The following ANXA8 variants were observed in gnomAD, a reference collection of about 807,000 sequenced individuals.
ANXA8 encodes VAC-beta.
In ANXA8, 9 loss-of-function variants were observed where a neutral mutation model predicts 26.8. The observed-to-expected ratio is 0.34, with a 90% CI of 0.20 to 0.59. ANXA8 has a LOEUF of 0.59. Among genes scored for constraint, ANXA8 ranks in the 20% least tolerant of loss-of-function variants. The probability of loss-of-function intolerance (pLI) is 0.84; values close to 1 mark genes in which losing one functional copy is unlikely to be tolerated. For missense variants in ANXA8, 83 were observed against 238.5 expected (o/e 0.35, Z 4.29); for synonymous variants, 39 against 94.8 (o/e 0.41, Z 3.42).
the ANXA8 span, among the ~76,000 whole-genome samples, chr10:47,720,927 G>A: frequency 1.4e-5 from 2 of 138,366 alleles, no homozygotes; most frequent in South Asian, 2.3e-4. Flanking sequence ...TGGGGGGATC[G>A]CTTGAGCCCA....
chr10:47,940,211 T>C, the ANXA8 span, among the ~76,000 whole-genome samples: 31 of 149,786 alleles, frequency 2.1e-4, 1 homozygote, highest in Non-Finnish European at 4.0e-4. Flanking sequence ...CTCCATCTTT[T>C]CACCTGGCTG....
the ANXA8 span, chr10:47,502,658 T>C: frequency 1.9e-6 from 3 of 1,608,234 alleles, no homozygotes; most frequent in African/African-American, 4.1e-5. Context: ...AAGTTCAAAC[T>C]GGCCCACTTA....
the ANXA8 span, among the ~76,000 whole-genome samples, chr10:47,514,222 C>T: frequency 5.4e-5 from 8 of 147,182 alleles, 1 homozygote; most frequent in South Asian, 2.1e-4. Context: ...AGTCAATGAG[C>T]GGATAAAGAA....
At chr10:47,683,444 G>A in the ANXA8 span, among the ~76,000 whole-genome samples, 1 of 151,774 alleles carries the variant, frequency 6.6e-6, no homozygotes, top group African/African-American at 2.4e-5. Flanking sequence ...TAGCCAGGAT[G>A]GCCTCGATCT....
chr10:47,661,026 A>C, the ANXA8 span, among the ~76,000 whole-genome samples: 2 of 150,222 alleles, frequency 1.3e-5, no homozygotes, highest in Non-Finnish European at 2.9e-5. Flanking sequence ...CCATTTTAAA[A>C]TTCACTTCCT....
At chr10:47,744,422 T>TGGGGGGGGG in the ANXA8 span, among the ~76,000 whole-genome samples, 1 of 11,732 alleles carries the variant, frequency 8.5e-5, no homozygotes, top group Non-Finnish European at 1.5e-4. Context: ...GGGGGGGGGG[T>TGGGGGGGGG]TGGGGGGGAG....
the ANXA8 span, chr10:47,991,665 C>A: frequency 6.2e-7 from 1 of 1,611,186 alleles, no homozygotes; most frequent in Non-Finnish European, 8.5e-7. Context: ...AAATCTCCTG[C>A]CAGCTCCCAC....
At chr10:47,684,069 G>A in the ANXA8 span, among the ~76,000 whole-genome samples, 37 of 151,770 alleles carry the variant, frequency 2.4e-4, no homozygotes, top group East Asian at 1.7e-3. Context: ...TGGTTTTTCC[G>A]ACTGAAGCGG....
the ANXA8 span, among the ~76,000 whole-genome samples, chr10:47,733,277 TTC>T: frequency 4.4e-5 from 5 of 114,250 alleles, no homozygotes; most frequent in African/African-American, 1.9e-4. Flanking sequence ...CTTTCTTTCT[TTC>T]TTTCTTTCTT....
At chr10:47,486,971 TCAAAAC>T (rs1184672386), upstream of ANXA8, among the ~76,000 whole-genome samples, 12 of 130,726 alleles carry the variant, frequency 9.2e-5, no homozygotes, top group Non-Finnish European at 2.0e-4. Flanking sequence ...AGACTCTATC[TCAAAAC>T]AAAAACAAAA....
the ANXA8 span, among the ~76,000 whole-genome samples, chr10:47,521,979 G>A: frequency 2.8e-3 from 419 of 150,838 alleles, 8 homozygotes; most frequent in African/African-American, 8.7e-3. Flanking sequence ...TAGAGACAGC[G>A]TTTCACCATG....
chr10:47,888,990 G>A, the ANXA8 span, among the ~76,000 whole-genome samples: 2,749 of 98,270 alleles, frequency 0.028, 230 homozygotes, highest in East Asian at 0.091. Flanking sequence ...ATATGTGTGT[G>A]TGTGTGTGTG....
At chr10:47,683,810 T>C in the ANXA8 span, among the ~76,000 whole-genome samples, 2 of 151,240 alleles carry the variant, frequency 1.3e-5, no homozygotes, top group Middle Eastern at 3.4e-3. Context: ...TGAGCAACTT[T>C]ATGATTTTTT....
the ANXA8 span, among the ~76,000 whole-genome samples, chr10:47,654,321 C>G: frequency 7.0e-6 from 1 of 142,512 alleles, no homozygotes; most frequent in Non-Finnish European, 1.5e-5. Context: ...GATGAAAGGT[C>G]AAGGATTCTA....
At chr10:47,744,441 A>AGGG in the ANXA8 span, among the ~76,000 whole-genome samples, 4 of 6,356 alleles carry the variant, frequency 6.3e-4, no homozygotes, top group African/African-American at 2.8e-3. Flanking sequence ...AGGGGGGAAG[A>AGGG]GGGGGGGCCT....
the ANXA8 span, chr10:47,502,158 C>A: frequency 2.6e-6 from 4 of 1,565,660 alleles, 1 homozygote; most frequent in Non-Finnish European, 3.5e-6. Flanking sequence ...TAGGTCAGCG[C>A]TGTGTTCCCG....
chr10:47,720,271 A>G, the ANXA8 span, among the ~76,000 whole-genome samples: 2 of 144,078 alleles, frequency 1.4e-5, no homozygotes, highest in East Asian at 6.0e-4. Flanking sequence ...TTCTTAAAGC[A>G]GTAATTGGGA....
At chr10:47,561,645 A>G in the ANXA8 span, among the ~76,000 whole-genome samples, 3 of 151,772 alleles carry the variant, frequency 2.0e-5, no homozygotes, top group African/African-American at 4.9e-5. Flanking sequence ...TCTTTTTTAA[A>G]TTTTAAGAGT....
At chr10:47,645,031 A>G in the ANXA8 span, among the ~76,000 whole-genome samples, 1 of 151,822 alleles carries the variant, frequency 6.6e-6, no homozygotes, top group East Asian at 1.9e-4. Flanking sequence ...ATGTATTATT[A>G]GAGGATCCTG....
Sources: allele counts gnomAD v4.1 joint callset (sites outside exome capture counted in the v4.1 genomes callset), GRCh38; gene constraint gnomAD v4.1.1; transcripts MANE v1.5; gene names NCBI Gene and HGNC (gene_info 2026-07-23, HGNC 2026-07-21).